HMOX2: variants seen among roughly 807,000 people sequenced by gnomAD.
HMOX2 encodes heme oxygenase (decycling) 2.
A neutral mutation model predicts 33.7 loss-of-function variants in HMOX2; 30 were observed. The observed-to-expected ratio is 0.89, with a 90% CI of 0.67 to 1.21. The LOEUF (loss-of-function observed/expected upper bound fraction) is 1.21. Ranked by LOEUF, HMOX2 falls within the 50% of genes most tolerant of loss-of-function variation. The probability of loss-of-function intolerance (pLI) is 0.00; values close to 1 mark genes in which losing one functional copy is unlikely to be tolerated. For missense variants in HMOX2, 403 were observed against 399.1 expected (o/e 1.01, Z -0.08); for synonymous variants, 155 against 155.0 (o/e 1.00, Z 0.00).
chr16:4,507,034 C>G, intron 3 of HMOX2, 22 bp downstream of exon 3: 1 of 1,488,664 alleles, frequency 6.7e-7, no homozygotes, highest in Non-Finnish European at 9.4e-7. Flanking sequence ...GCATTGGGTT[C>G]CAGACTGTCA....
chr16:4,484,570 C>T (rs1375269378), intron 1 of HMOX2, among the ~76,000 whole-genome samples: 1 of 150,464 alleles, frequency 6.6e-6, no homozygotes, highest in Admixed American at 6.7e-5. Context: ...AAATGATTCT[C>T]CTGCCTCAGC....
rs539627022 is a variant in HMOX2 at position 4,497,547 on chromosome 16, T to G, written c.-41-7937T>G. On this transcript the variant is annotated intron_variant, in intron 1 of 5. Coordinates refer to ENST00000570646, the MANE Select transcript of HMOX2 (RefSeq NM_002134.4). The stretch of plus-strand genomic sequence containing the variant: ...CTTATTTCAGTTATAATAGGAAGGC[T>G]CTACCAGGACTCATCATTGTCCCAA... Among the ~76,000 whole-genome samples, 8 of 152,278 alleles carry G rather than the reference T, an allele frequency of 5.3e-5. No homozygotes were observed. The East Asian group carries it at 1.5e-3, about 29-fold the overall frequency.
intron 1 of HMOX2, among the ~76,000 whole-genome samples, chr16:4,502,241 G>A (rs759726854): frequency 3.3e-5 from 5 of 152,040 alleles, no homozygotes; most frequent in South Asian, 2.1e-4. Flanking sequence ...TGTATTTTTC[G>A]GAGAAGCACA....
intron 1 of HMOX2, among the ~76,000 whole-genome samples, chr16:4,483,486 G>T (rs1048069719): frequency 3.3e-5 from 5 of 152,104 alleles, no homozygotes; most frequent in Non-Finnish European, 5.9e-5. Context: ...TAGGAGCTCT[G>T]TGTCAGGAAC....
intron 1 of HMOX2, among the ~76,000 whole-genome samples, chr16:4,490,261 G>A (rs2058273307): frequency 6.6e-6 from 1 of 152,172 alleles, no homozygotes; most frequent in Non-Finnish European, 1.5e-5. Context: ...AATATAGCAA[G>A]GAAGAGGGGA....
chr16:4,505,156 C>T (rs1446694501), intron 1 of HMOX2, among the ~76,000 whole-genome samples: 1 of 152,174 alleles, frequency 6.6e-6, no homozygotes, highest in African/African-American at 2.4e-5. Flanking sequence ...CAGGGAGTTG[C>T]AGGCAGTGTA....
intron 1 of HMOX2, among the ~76,000 whole-genome samples, chr16:4,501,203 T>C (rs1294233347): frequency 6.6e-6 from 1 of 152,140 alleles, no homozygotes; most frequent in Admixed American, 6.6e-5. Flanking sequence ...TCACTCCATA[T>C]AAAAGAAGCA....
intron 1 of HMOX2, among the ~76,000 whole-genome samples, chr16:4,485,313 G>T (rs1197712057): frequency 6.6e-6 from 1 of 152,142 alleles, no homozygotes; most frequent in Non-Finnish European, 1.5e-5. Flanking sequence ...CACTGATGCA[G>T]AGCCCATGGA....
In HMOX2 at chr16:4,507,211, G is replaced by A. The variant is rs538008075; in HGVS notation, c.204+199G>A. Among the ~76,000 whole-genome samples the A allele has an allele frequency of 1.3e-3, 192 of 152,204 alleles. 1 individual carries two copies. Among genetic ancestry groups the A allele is most frequent in the African/African-American group, 4.5e-3 (186 of 41,520 alleles). ...TGTAATCCCAGCACTTTGGGAGGCC[G>A]AGGCAGGTGGATCACTTGAGGCCAG... On this transcript the variant is annotated intron_variant, in intron 3 of 5. Coordinates refer to ENST00000570646, the MANE Select transcript of HMOX2 (RefSeq NM_002134.4).
chr16:4,504,649 C>A (rs1360968364), intron 1 of HMOX2, among the ~76,000 whole-genome samples: 3 of 141,154 alleles, frequency 2.1e-5, no homozygotes, highest in Non-Finnish European at 4.6e-5. Flanking sequence ...CATGAGCCAC[C>A]GTGTCTGGCC....
rs553996680 is a variant in HMOX2, at chr16:4,497,987, C to T, written c.-41-7497C>T. Among the ~76,000 whole-genome samples, 13 of 151,786 alleles carry T rather than the reference C, an allele frequency of 8.6e-5. No individual in the cohort carries two copies. The South Asian group carries it at 1.0e-3, about 12-fold the overall frequency. On this transcript the variant is annotated intron_variant, in intron 1 of 5. Transcript: ENST00000570646. Reference sequence around the variant, plus strand: ...TTTTGCCTGCCTTCTTGCCCAAATGCGCAAGTGCTTATTTAGTAATCTGAC... The same window carrying T: ...TTTTGCCTGCCTTCTTGCCCAAATGTGCAAGTGCTTATTTAGTAATCTGAC...
At position 4,487,359 on chromosome 16, in the gene HMOX2, G is replaced by A. The variant is rs117452430; in HGVS notation, c.-42+10872G>A. On this transcript the variant is annotated intron_variant, in intron 1 of 5. Transcript: ENST00000570646. ...ACCTGAGATCAGGAGTTTGAGACCA[G>A]CCTGACCTCTAAAACTACAAAATTA... 2.8e-3 allele frequency among the ~76,000 whole-genome samples: 431 copies of A among 152,022 alleles called. 1 individual carries two copies. Among genetic ancestry groups the A allele is most frequent in the Non-Finnish European group, 4.9e-3 (332 of 67,972 alleles).
At position 4,486,477 on chromosome 16, in the gene HMOX2, A is replaced by G. The variant is rs74489757; in HGVS notation, c.-42+9990A>G. 3.6e-3 allele frequency among the ~76,000 whole-genome samples: 546 copies of G among 152,356 alleles called. 4 individuals carry two copies. Among genetic ancestry groups the G allele is most frequent in the Non-Finnish European group, 4.1e-3 (278 of 68,036 alleles). ...ATTAGAGTATGTCTGTCCCTAATAC[A>G]GGGTTAGAGCTCAGTACCAATGCTG... On this transcript the variant is annotated intron_variant, in intron 1 of 5. Coordinates refer to ENST00000570646, the MANE Select transcript of HMOX2 (RefSeq NM_002134.4).
intron 1 of HMOX2, among the ~76,000 whole-genome samples, chr16:4,486,674 C>T (rs2058176702): frequency 6.6e-6 from 1 of 152,186 alleles, no homozygotes; most frequent in Non-Finnish European, 1.5e-5. Context: ...CTAATCCAGG[C>T]CCAGCTTCCC....
chr16:4,476,189 C>T (rs2057823638), upstream of HMOX2: 3 of 152,386 alleles, frequency 2.0e-5, no homozygotes, highest in Non-Finnish European at 1.5e-5. Flanking sequence ...CCTCACACAC[C>T]TCGGCTCTTG....
chr16:4,493,508 A>G (rs868715583), intron 1 of HMOX2, among the ~76,000 whole-genome samples: 1 of 152,248 alleles, frequency 6.6e-6, no homozygotes, highest in African/African-American at 2.4e-5. Context: ...AGAAACTCCA[A>G]GAAATTAAGT....
In HMOX2 at chr16:4,505,579, T is replaced by G. The variant is rs1381352232; in HGVS notation, c.55T>G (p.Ser19Ala). 11 of 1,602,346 alleles carry G rather than the reference T, an allele frequency of 6.9e-6. No homozygotes were observed. The highest frequency in any genetic ancestry group is 7.7e-6 in the Non-Finnish European group (9 of 1,173,912). The change falls in exon 2 of 6, where the codon TCT (serine) becomes GCT (alanine). Residue 19 changes from serine to alanine, a missense_variant. Physicochemically the swap from Ser to Ala is moderately conservative, Grantham distance 99. Transcript: ENST00000570646. Reference sequence around the variant, plus strand: ...GGTAGACGAGTCAGAAAAAAAGAACTCTGGGGCCCTAGAAAAGGAGAACCA... The same window carrying G: ...GGTAGACGAGTCAGAAAAAAAGAACGCTGGGGCCCTAGAAAAGGAGAACCA... ...EGVDESEKKN[S>A]GALEKENQMR... is the part of the protein sequence containing the mutation.
In HMOX2 at chr16:4,509,533, A is replaced by G. The variant is rs778962279; in HGVS notation, c.818A>G (p.Asp273Gly). ...TGCCCTTTCTACGCTGCTGAACAAG[A>G]CAAAGGTAGGTCTGTGTGTCCTGAG... The part of the protein sequence containing the change: ...RKCPFYAAEQ[D>G]KGALEGSSCP... Residue 273 changes from aspartate (D) to glycine (G), a missense_variant, in exon 5 of 6, where the codon GAC becomes GGC. Transcript: ENST00000570646. 2.7e-5 allele frequency: 43 copies of G among 1,614,048 alleles called. 1 individual carries two copies. Among genetic ancestry groups the G allele is most frequent in the East Asian group, 6.7e-5 (3 of 44,888 alleles).
chr16:4,505,019 A>G (rs1450839544), intron 1 of HMOX2, among the ~76,000 whole-genome samples: 1 of 152,104 alleles, frequency 6.6e-6, no homozygotes, highest in Non-Finnish European at 1.5e-5. Context: ...GAATAGTACA[A>G]AGAACTCTCA....
Sources: gnomAD v4.1 joint callset for allele counts (sites outside exome capture counted in the v4.1 genomes callset) on GRCh38, gnomAD v4.1.1 for gene constraint, MANE v1.5 for transcripts, NCBI Gene and HGNC (gene_info 2026-07-23, HGNC 2026-07-21) for gene names.